The following CPA6 variants were observed in gnomAD, a reference collection of about 807,000 sequenced individuals.
CPA6 encodes carboxypeptidase A6, also known as carboxypeptidase B.
CPA6 carries 58 observed loss-of-function variants against 63.3 expected under a neutral mutation model. The observed-to-expected ratio is 0.92, with a 90% CI of 0.74 to 1.14. CPA6 has a LOEUF of 1.14. Among genes scored for constraint, CPA6 ranks in the 50% most tolerant of loss-of-function variants. The probability of loss-of-function intolerance (pLI) is 0.00; values close to 1 mark genes in which losing one functional copy is unlikely to be tolerated. For synonymous variants in CPA6, 185 were observed against 179.0 expected (o/e 1.03, Z -0.27); for missense variants, 565 against 526.6 (o/e 1.07, Z -0.71).
rs528065547 is a variant in CPA6 at position 67,685,543 on chromosome 8, C to T, written c.116+60471G>A. 1.1e-4 allele frequency among the ~76,000 whole-genome samples: 17 copies of T among 152,224 alleles called. No homozygotes were observed. In the East Asian group the frequency reaches 1.5e-3, roughly 14 times the overall value. On this transcript the variant is annotated intron_variant, in intron 1 of 10. Transcript: ENST00000297770. ...CTGGGGCAGGAGAATGGCGTGAGCC[C>T]GGGAGGCGGAGCTTGCAGTGAGCCG...
In CPA6 at chr8:67,547,551, G is replaced by A. The variant is rs1812845325; in HGVS notation, c.193-29504C>T. 4.0e-5 allele frequency among the ~76,000 whole-genome samples: 6 copies of A among 150,264 alleles called. No individual in the cohort carries two copies. The South Asian group carries it at 1.3e-3, about 31-fold the overall frequency. ...CTCACTCTGTCCCCCAGGCTGGAGT[G>A]CAGTGGTGCGATAATGGCTCACTGC... On this transcript the variant is annotated intron_variant, in intron 2 of 10. Transcript: ENST00000297770.
chr8:67,738,876 A>C (rs1340988889), intron 1 of CPA6, among the ~76,000 whole-genome samples: 3 of 152,236 alleles, frequency 2.0e-5, no homozygotes, highest in Non-Finnish European at 4.4e-5. Context: ...GATCATAATG[A>C]AAACTCTAAA....
chr8:67,634,293 C>A (rs1313397571), intron 1 of CPA6, among the ~76,000 whole-genome samples: 1 of 149,778 alleles, frequency 6.7e-6, no homozygotes, highest in Non-Finnish European at 1.5e-5. Context: ...TATCTCGGCT[C>A]ACTACAAGCT....
At chr8:67,468,623 A>AT (rs1554665969) in intron 8 of CPA6, among the ~76,000 whole-genome samples, 2 of 149,978 alleles carry the variant, frequency 1.3e-5, no homozygotes, top group Non-Finnish European at 2.9e-5. Context: ...AAATAAAATA[A>AT]AATAATAATA....
chr8:67,640,030 T>G (rs1323902469), intron 1 of CPA6, among the ~76,000 whole-genome samples: 1 of 151,312 alleles, frequency 6.6e-6, no homozygotes, highest in African/African-American at 2.5e-5. Flanking sequence ...CTGTAGCTGG[T>G]CGTCCCATCA....
intron 1 of CPA6, among the ~76,000 whole-genome samples, chr8:67,679,716 C>A (rs1816552749): frequency 6.6e-6 from 1 of 152,168 alleles, no homozygotes; most frequent in Non-Finnish European, 1.5e-5. Flanking sequence ...AACACCCTCA[C>A]CAAGTTAAAC....
At chr8:67,688,704 G>A (rs1816755777) in intron 1 of CPA6, among the ~76,000 whole-genome samples, 1 of 152,072 alleles carries the variant, frequency 6.6e-6, no homozygotes, top group Admixed American at 6.6e-5. Flanking sequence ...CCTAGTTTCG[G>A]TTTGTGTTTT....
At chr8:67,475,080 G>T (rs1811144140) in intron 8 of CPA6, among the ~76,000 whole-genome samples, 1 of 152,188 alleles carries the variant, frequency 6.6e-6, no homozygotes, top group Admixed American at 6.5e-5. Context: ...CAAAAGGACT[G>T]TTATAAAGGA....
intron 1 of CPA6, among the ~76,000 whole-genome samples, chr8:67,641,096 T>C (rs1017094756): frequency 6.6e-6 from 1 of 151,742 alleles, no homozygotes; most frequent in Non-Finnish European, 1.5e-5. Flanking sequence ...CCACCACTCA[T>C]GTCTTTCTGC....
intron 6 of CPA6, among the ~76,000 whole-genome samples, chr8:67,502,291 C>G (rs1811844440): frequency 1.3e-5 from 2 of 152,036 alleles, no homozygotes; most frequent in African/African-American, 2.4e-5. Context: ...GACGCTGCCT[C>G]TACAAAAAAT....
Position 67,665,394 on chromosome 8 carries a change from A to G in CPA6, c.117-41143T>C, listed in dbSNP as rs117189323. 3.2e-3 allele frequency among the ~76,000 whole-genome samples: 491 copies of G among 152,332 alleles called. 9 individuals carry two copies. Among genetic ancestry groups the G allele is most frequent in the Middle Eastern group, 3.4e-3 (1 of 294 alleles). On this transcript the variant is annotated intron_variant, in intron 1 of 10. Coordinates refer to ENST00000297770, the MANE Select transcript of CPA6 (RefSeq NM_020361.5). ...GCTGAAATTGAGTAGTATGACTCCA[A>G]CAGAATGGGAAAATGGCACAGTAGC...
intron 1 of CPA6, among the ~76,000 whole-genome samples, chr8:67,711,935 T>A (rs139367015): frequency 1.3e-5 from 2 of 152,254 alleles, no homozygotes; most frequent in Non-Finnish European, 2.9e-5. Flanking sequence ...CAGAGCCATG[T>A]AATACTTTGA....
chr8:67,742,128 T>TTG (rs10684467), intron 1 of CPA6, among the ~76,000 whole-genome samples: 110,282 of 150,616 alleles, frequency 0.73, 41,836 homozygotes, highest in East Asian at 0.81. Flanking sequence ...TGTTCTACTT[T>TTG]TGTGTGTGTG....
intron 1 of CPA6, among the ~76,000 whole-genome samples, chr8:67,689,667 A>G (rs1044727792): frequency 1.2e-4 from 19 of 152,144 alleles, no homozygotes; most frequent in African/African-American, 4.3e-4. Flanking sequence ...TCTTTATCCA[A>G]TCCACTGTTA....
chr8:67,560,798 C>T (rs1237351465), intron 2 of CPA6, among the ~76,000 whole-genome samples: 2 of 152,094 alleles, frequency 1.3e-5, no homozygotes, highest in South Asian at 2.1e-4. Context: ...TAGTCCTTTT[C>T]CCACCTGTTC....
chr8:67,578,729 C>T (rs1017400419), intron 2 of CPA6, among the ~76,000 whole-genome samples: 3 of 152,156 alleles, frequency 2.0e-5, no homozygotes, highest in Non-Finnish European at 4.4e-5. Flanking sequence ...TAAGTAAAAA[C>T]ATCATTTACA....
chr8:67,669,730 C>A (rs941015745), intron 1 of CPA6, among the ~76,000 whole-genome samples: 3 of 151,574 alleles, frequency 2.0e-5, no homozygotes, highest in Non-Finnish European at 4.4e-5. Context: ...TCACCACAGA[C>A]GTTTGATGCT....
chr8:67,737,955 G>A (rs1261432327), intron 1 of CPA6, among the ~76,000 whole-genome samples: 1 of 152,114 alleles, frequency 6.6e-6, no homozygotes, highest in Non-Finnish European at 1.5e-5. Flanking sequence ...AAAAGGGATT[G>A]GGCTATGATA....
At chr8:67,506,120 T>C (rs1026209527) in intron 6 of CPA6, among the ~76,000 whole-genome samples, 2 of 150,202 alleles carry the variant, frequency 1.3e-5, no homozygotes, top group East Asian at 2.0e-4. Context: ...TATCAGAACA[T>C]ACGAAAGTGT....
Sources: allele counts gnomAD v4.1 joint callset (sites outside exome capture counted in the v4.1 genomes callset), GRCh38; gene constraint gnomAD v4.1.1; transcripts MANE v1.5; gene names NCBI Gene and HGNC (gene_info 2026-07-23, HGNC 2026-07-21).